TTLL12: variants seen among roughly 807,000 people sequenced by gnomAD.
The protein encoded by TTLL12 is tubulin tyrosine ligase like 12, also known as tubulin--tyrosine ligase-like protein 12.
Under a neutral mutation model 79.6 loss-of-function variants are expected in TTLL12, and 77 were observed. That is an observed-to-expected ratio of 0.97 (90% confidence interval 0.81 to 1.17). The LOEUF (loss-of-function observed/expected upper bound fraction) is 1.17. Among genes scored for constraint, TTLL12 ranks in the 50% most tolerant of loss-of-function variants. TTLL12 has a pLI of 0.00. For missense variants in TTLL12, 969 were observed against 895.9 expected (o/e 1.08, Z -1.04); for synonymous variants, 437 against 376.1 (o/e 1.16, Z -1.87).
intron 1 of TTLL12, 127 bp from the exon 2 acceptor site, chr22:43,183,276 G>T: frequency 8.6e-7 from 1 of 1,160,268 alleles, no homozygotes; most frequent in Non-Finnish European, 1.2e-6. Context: ...TCCTTCAGAG[G>T]TGTGGGACCT....
rs2147064519 is a variant in TTLL12, at chr22:43,167,822, G to A, written c.*186C>T. 1.5e-6 allele frequency: 1 copy of A among 663,360 alleles called. No individual in the cohort carries two copies. The highest frequency in any genetic ancestry group is 2.9e-5 in the Admixed American group (1 of 34,126). The allele number at this position is 663,360 out of a possible 1,614,324, so 41.1% of individuals were successfully genotyped here. Reference sequence around the variant, plus strand: ...CATCACTGTCCTGCTCTGACCCACAGGTGAGAGGAGGATGCTGTGCTCCCG... The same window carrying A: ...CATCACTGTCCTGCTCTGACCCACAAGTGAGAGGAGGATGCTGTGCTCCCG... On this transcript the variant is annotated 3_prime_UTR_variant, in exon 14 of 14. Transcript: ENST00000216129.
chr22:43,177,744 G>A (rs1931951871), intron 5 of TTLL12, among the ~76,000 whole-genome samples: 1 of 152,212 alleles, frequency 6.6e-6, no homozygotes, highest in Non-Finnish European at 1.5e-5. Flanking sequence ...GGCGGCCTGT[G>A]TACCTCAAGG....
chr22:43,171,983 A>C, intron 10 of TTLL12, 83 bp from the exon 11 acceptor site: 3 of 1,202,946 alleles, frequency 2.5e-6, no homozygotes, highest in Non-Finnish European at 3.6e-6. Flanking sequence ...CAGCCTTCCC[A>C]ACTAGGGGTT....
intron 13 of TTLL12, 44 bp downstream of exon 13, chr22:43,168,730 G>T: frequency 6.5e-7 from 1 of 1,544,122 alleles, no homozygotes. Flanking sequence ...CTGGCGGAGG[G>T]GGCGCCTGCT....
rs367668523 is a variant in TTLL12 at position 43,174,480 on chromosome 22, C to T, written c.1034+19G>A. 131 of 1,587,136 alleles carry T rather than the reference C, an allele frequency of 8.3e-5. No homozygotes were observed. Among genetic ancestry groups the T allele is most frequent in the South Asian group, 2.7e-4 (24 of 88,916 alleles). ...GAAGCCCTGACTGGGAGGGCCCCTG[C>T]GGCCAGAGGTGCCCTCACCTGTAGT... On this transcript the variant is annotated intron_variant, in intron 7 of 13. Transcript: ENST00000216129.
At chr22:43,180,999 G>A in intron 2 of TTLL12, 59 bp from the exon 3 acceptor site, 5 of 1,558,966 alleles carry the variant, frequency 3.2e-6, no homozygotes. Context: ...AGGGAAGTCG[G>A]GGGAGCAAGA....
chr22:43,173,895 C>A, intron 8 of TTLL12, 69 bp from the exon 9 acceptor site: 2 of 1,443,804 alleles, frequency 1.4e-6, no homozygotes, highest in Non-Finnish European at 1.9e-6. Context: ...ACCCCAGGAC[C>A]CAGAGGCAGA....
chr22:43,168,253 T>C (rs1239930560), intron 13 of TTLL12, 94 bp from the exon 14 acceptor site: 46 of 1,518,512 alleles, frequency 3.0e-5, no homozygotes, highest in South Asian at 8.9e-5. Context: ...TGGGAGGCCA[T>C]GAACCTGGGC....
chr22:43,182,834 C>T, intron 2 of TTLL12, 146 bp downstream of exon 2: 4 of 1,135,744 alleles, frequency 3.5e-6, no homozygotes, highest in Non-Finnish European at 4.9e-6. Flanking sequence ...CCCTGATGGA[C>T]ACACCGCTGG....
rs1931648937 is a variant in TTLL12 at position 43,167,569 on chromosome 22, C to G, written c.*439G>C. On this transcript the variant is annotated 3_prime_UTR_variant, in exon 14 of 14. Transcript: ENST00000216129. The stretch of plus-strand genomic sequence containing the variant: ...ACCCCGGAAGAGAAACCCGCCTGCC[C>G]CGTGTGATACAGGGCTCCCAAACGC... The G allele has an allele frequency of 5.4e-6, 1 of 185,288 alleles. No individual in the cohort carries two copies. Among genetic ancestry groups the G allele is most frequent in the African/African-American group, 2.4e-5 (1 of 42,402 alleles). 11.5% of individuals were successfully genotyped at this position (185,288 alleles called of 1,614,324 possible). A position where few individuals can be genotyped will look rare whatever the true frequency, so the allele number is the denominator to read the frequency against.
At position 43,180,882 on chromosome 22, in the gene TTLL12, G is replaced by T. The variant is rs374395062; in HGVS notation, c.406C>A (p.Gln136Lys). The T allele has an allele frequency of 5.6e-6, 9 of 1,612,886 alleles. No individual in the cohort carries two copies. The highest frequency in any genetic ancestry group is 7.6e-6 in the Non-Finnish European group (9 of 1,179,916). The change falls in exon 3 of 14, where the codon CAG becomes AAG. Residue 136 changes from glutamine to lysine, a missense_variant. By Grantham distance (53) the Gln-to-Lys change is moderately conservative (BLOSUM62 1). Transcript: ENST00000216129. Reference sequence around the variant, plus strand: ...CGGTGCAGCAGCCCGGGCACCTGCTGCAGCTGCTGGCGCGCGTGCTCCACA... The same window carrying T: ...CGGTGCAGCAGCCCGGGCACCTGCTTCAGCTGCTGGCGCGCGTGCTCCACA... The part of the protein sequence containing the change: ...CRVEHARQQL[Q>K]QVPGLLHRMA...
intron 11 of TTLL12, among the ~76,000 whole-genome samples, chr22:43,171,121 C>T (rs1931753709): frequency 1.3e-5 from 2 of 151,736 alleles, no homozygotes; most frequent in South Asian, 4.2e-4. Flanking sequence ...GTGTTCTGTG[C>T]ATCTGAAACA....
chr22:43,187,020 G>A lies in TTLL12; in HGVS notation c.50C>T (p.Pro17Leu). The A allele has an allele frequency of 8.1e-7, 1 of 1,233,056 alleles. No individual in the cohort carries two copies. The highest frequency in any genetic ancestry group is 1.0e-6 in the Non-Finnish European group (1 of 985,578). The allele number at this position is 1,233,056 out of a possible 1,614,324, so 76.4% of individuals were successfully genotyped here. ...CGCGCCCTCCTCCGGCGTCTGGCCCGGGCTGCTACGCTCCGCAGGCCGGCG... is the reference window on the plus strand; with the variant it reads ...CGCGCCCTCCTCCGGCGTCTGGCCCAGGCTGCTACGCTCCGCAGGCCGGCG... ...PERRPAERSS[P>L]GQTPEEGAQA... The change falls in exon 1 of 14, where the codon CCG becomes CTG. Residue 17 changes from proline to leucine, a missense_variant. Coordinates refer to ENST00000216129, the MANE Select transcript of TTLL12 (RefSeq NM_015140.4).
At chr22:43,169,052 T>A in intron 12 of TTLL12, 140 bp from the exon 13 acceptor site, 1 of 1,139,638 alleles carries the variant, frequency 8.8e-7, no homozygotes, top group Non-Finnish European at 1.2e-6. Flanking sequence ...GACCTCACCA[T>A]GGCCACCTCC....
chr22:43,184,057 C>A (rs1265407131), intron 1 of TTLL12, among the ~76,000 whole-genome samples: 1 of 152,220 alleles, frequency 6.6e-6, no homozygotes, highest in African/African-American at 2.4e-5. Flanking sequence ...GCTCTATAAA[C>A]ACGTGGCGCC....
At chr22:43,185,617 C>G (rs948052521) in intron 1 of TTLL12, among the ~76,000 whole-genome samples, 9 of 152,202 alleles carry the variant, frequency 5.9e-5, no homozygotes, top group African/African-American at 2.2e-4. Flanking sequence ...CGACCACCCT[C>G]TGTGTGCCAG....
chr22:43,173,947 G>A, intron 8 of TTLL12, 121 bp from the exon 9 acceptor site: 1 of 998,896 alleles, frequency 1.0e-6, no homozygotes, highest in South Asian at 1.5e-5. Flanking sequence ...GGGGGCACCA[G>A]AGAGCTGTCA....
rs1932026698 is a variant in TTLL12, at chr22:43,180,450, T to C, written c.546+292A>G. Among the ~76,000 whole-genome samples, 3 of 150,982 alleles carry C rather than the reference T, an allele frequency of 2.0e-5. No homozygotes were observed. The South Asian group carries it at 6.3e-4, about 32-fold the overall frequency. ...GAGTCCCCGGAGAGGCCAGCAGGGG[T>C]GGGTGAGGAATGGTTGAGGGCTTTT... is the stretch of plus-strand genomic sequence containing the variant. On this transcript the variant is annotated intron_variant, in intron 3 of 13. Transcript: ENST00000216129.
chr22:43,174,060 C>G lies in TTLL12; in HGVS notation c.1229+149G>C, dbSNP rs1931835106. ...CAAAAACCTGGAGAGGTCCTGCGGTCCGTGAAGACGGCCGTGACGTTCGGG... is the reference window on the plus strand; with the variant it reads ...CAAAAACCTGGAGAGGTCCTGCGGTGCGTGAAGACGGCCGTGACGTTCGGG... On this transcript the variant is annotated intron_variant, in intron 8 of 13. Coordinates refer to ENST00000216129, the MANE Select transcript of TTLL12 (RefSeq NM_015140.4). 2.6e-6 allele frequency: 3 copies of G among 1,166,898 alleles called. No homozygotes were observed. In the South Asian group the frequency reaches 4.4e-5, roughly 17 times the overall value. 72.3% of individuals were successfully genotyped at this position (1,166,898 alleles called of 1,614,324 possible).
Sources: allele counts gnomAD v4.1 joint callset (sites outside exome capture counted in the v4.1 genomes callset), GRCh38; gene constraint gnomAD v4.1.1; transcripts MANE v1.5; gene names NCBI Gene and HGNC (gene_info 2026-07-23, HGNC 2026-07-21).